The following MYH11 variants were observed in gnomAD, a reference collection of about 807,000 sequenced individuals.
The protein encoded by MYH11 is myosin-11.
A neutral mutation model predicts 246.6 loss-of-function variants in MYH11; 80 were observed. That is an observed-to-expected ratio of 0.32 (90% CI 0.27 to 0.39). MYH11 has a LOEUF of 0.39. Ranked by LOEUF, MYH11 falls within the 10% of genes least tolerant of loss-of-function variation. The pLI, the probability that MYH11 is intolerant of heterozygous loss-of-function variation, is 1.00. For synonymous variants in MYH11, 1,071 were observed against 1,015.5 expected, an observed-to-expected ratio of 1.05 and a Z score of -1.04; for missense variants, 2,158 against 2,546.8, an observed-to-expected ratio of 0.85 and a Z score of 3.29.
chr16:15,817,201 A>G (rs376571221), intron 3 of MYH11, among the ~76,000 whole-genome samples: 5 of 152,172 alleles, frequency 3.3e-5, no homozygotes, highest in African/African-American at 1.2e-4. Flanking sequence ...CTTTCCAAAA[A>G]CAAACCACGG....
intron 15 of MYH11, among the ~76,000 whole-genome samples, chr16:15,752,498 T>C (rs2041598172): frequency 1.3e-5 from 2 of 152,054 alleles, no homozygotes; most frequent in Non-Finnish European, 2.9e-5. Context: ...TCACCTGGGA[T>C]GAATGTTTTC....
At chr16:15,790,856 G>GTA (rs2042591144) in intron 4 of MYH11, 1 of 151,832 alleles carries the variant, frequency 6.6e-6, no homozygotes, top group Non-Finnish European at 1.5e-5. Flanking sequence ...AGTGTGACCT[G>GTA]TACCGTCTCA....
chr16:15,763,763 A>AAAATTT, intron 10 of MYH11, 33 bp downstream of exon 10: 1 of 597,154 alleles, frequency 1.7e-6, no homozygotes, highest in Non-Finnish European at 3.0e-6. Context: ...CCAACCCCAA[A>AAAATTT]GTCATTGGTC....
intron 10 of MYH11, 106 bp from the exon 11 acceptor site, chr16:15,760,764 T>C: frequency 3.5e-6 from 3 of 845,556 alleles, no homozygotes; most frequent in Non-Finnish European, 6.2e-6. Context: ...CGGGTTCTCT[T>C]GGGGAAATGG....
At chr16:15,786,848 A>T in intron 4 of MYH11, 116 bp from the exon 5 acceptor site, 1 of 973,404 alleles carries the variant, frequency 1.0e-6, no homozygotes, top group Non-Finnish European at 1.6e-6. Context: ...GGTGAAACAG[A>T]GGCTCCCAGA....
chr16:15,762,445 C>T (rs1438484459), intron 10 of MYH11, among the ~76,000 whole-genome samples: 1 of 152,118 alleles, frequency 6.6e-6, no homozygotes, highest in Non-Finnish European at 1.5e-5. Context: ...TAAATTGCTC[C>T]TGGGGATAAC....
At chr16:15,790,562 G>A (rs1013265350) in intron 4 of MYH11, among the ~76,000 whole-genome samples, 3 of 152,194 alleles carry the variant, frequency 2.0e-5, no homozygotes, top group Non-Finnish European at 4.4e-5. Context: ...AGGTTGATGT[G>A]CTTAGAGCTG....
At chr16:15,833,376 G>A (rs1412460514) in intron 2 of MYH11, among the ~76,000 whole-genome samples, 1 of 81,124 alleles carries the variant, frequency 1.2e-5, no homozygotes, top group Non-Finnish European at 2.5e-5. Flanking sequence ...AGAGAGGGAG[G>A]GAGGGAGGGA....
intron 10 of MYH11, 36 bp downstream of exon 10, chr16:15,763,760 C>CCCCCCAA: frequency 2.5e-6 from 3 of 1,192,078 alleles, no homozygotes; most frequent in Non-Finnish European, 3.8e-6. Flanking sequence ...CCCCCAACCC[C>CCCCCCAA]AAAGTCATTG....
intron 4 of MYH11, among the ~76,000 whole-genome samples, chr16:15,788,744 G>T (rs2042537075): frequency 6.6e-6 from 1 of 151,866 alleles, no homozygotes. Flanking sequence ...ATGAAATGGG[G>T]ACCATGAAGG....
intron 2 of MYH11, among the ~76,000 whole-genome samples, chr16:15,825,425 T>C (rs1241350596): frequency 4.1e-5 from 6 of 146,876 alleles, no homozygotes; most frequent in Non-Finnish European, 9.0e-5. Flanking sequence ...GCCATGGTGG[T>C]GATCACCTGT....
At chr16:15,714,817 C>T in intron 40 of MYH11, 92 bp downstream of exon 40, 10 of 1,492,398 alleles carry the variant, frequency 6.7e-6, no homozygotes, top group Non-Finnish European at 9.2e-6. Context: ...GCTGTGGGCA[C>T]AAGGGGCATT....
At chr16:15,815,883 T>C (rs932595561) in intron 3 of MYH11, among the ~76,000 whole-genome samples, 2 of 152,004 alleles carry the variant, frequency 1.3e-5, no homozygotes, top group African/African-American at 4.8e-5. Context: ...ACGAATCAGA[T>C]TGGGTTTCAT....
At chr16:15,829,051 G>A (rs1449538482) in intron 2 of MYH11, among the ~76,000 whole-genome samples, 1 of 151,844 alleles carries the variant, frequency 6.6e-6, no homozygotes, top group African/African-American at 2.4e-5. Context: ...GGGTGTGGTG[G>A]CGCATGCCTG....
intron 36 of MYH11, chr16:15,718,679 T>G (rs943638905): frequency 8.4e-6 from 5 of 593,048 alleles, no homozygotes; most frequent in African/African-American, 1.9e-5. Context: ...CCTCCCTGAC[T>G]CTTCCTGGCC....
At chr16:15,712,775 C>T (rs373780018) in intron 40 of MYH11, 6 of 146,432 alleles carry the variant, frequency 4.1e-5, no homozygotes, top group East Asian at 2.1e-4. Flanking sequence ...GACTGCGTCA[C>T]GTGCTGCTGC....
intron 27 of MYH11, among the ~76,000 whole-genome samples, chr16:15,731,132 A>G: frequency 6.6e-6 from 1 of 152,216 alleles, no homozygotes; most frequent in East Asian, 1.9e-4. Context: ...GCCTTCCTCC[A>G]GTCTGCAGAG....
chr16:15,731,100 G>A (rs767117904), intron 27 of MYH11, among the ~76,000 whole-genome samples: 4 of 152,172 alleles, frequency 2.6e-5, no homozygotes, highest in Admixed American at 6.5e-5. Flanking sequence ...AGGATTACGG[G>A]AGGCATGAGC....
intron 40 of MYH11, among the ~76,000 whole-genome samples, chr16:15,712,002 T>G (rs78284732): frequency 1.9e-3 from 291 of 151,552 alleles, no homozygotes; most frequent in African/African-American, 4.9e-3. Flanking sequence ...TGGGCAGGAT[T>G]CTTTAGGGAA....
Sources: gnomAD v4.1 joint callset for allele counts (sites outside exome capture counted in the v4.1 genomes callset) on GRCh38, gnomAD v4.1.1 for gene constraint, MANE v1.5 for transcripts, NCBI Gene and HGNC (gene_info 2026-07-23, HGNC 2026-07-21) for gene names.